Variants in RYR3 observed in about 807,000 individuals in gnomAD.
The protein encoded by RYR3 is ryanodine receptor 3, also known as brain ryanodine receptor-calcium release channel.
RYR3 carries 207 observed loss-of-function variants against 584.3 expected under a neutral mutation model. That is an observed-to-expected ratio of 0.35 (90% CI 0.32 to 0.40). RYR3 has a LOEUF of 0.40. Ranked by LOEUF, RYR3 falls within the 10% of genes least tolerant of loss-of-function variation. The pLI is 1.00. For missense variants in RYR3, 5,616 were observed against 6,089.2 expected (o/e 0.92, Z 2.59); for synonymous variants, 2,416 against 2,248.5 (o/e 1.07, Z -2.11).
At chr15:33,789,860 G>C (rs2075036494) in intron 67 of RYR3, among the ~76,000 whole-genome samples, 1 of 144,994 alleles carries the variant, frequency 6.9e-6, no homozygotes, top group Non-Finnish European at 1.5e-5. Flanking sequence ...TATTTTAGTA[G>C]AGATGGGGTT....
At chr15:33,623,214 C>T (rs891961626) in intron 19 of RYR3, among the ~76,000 whole-genome samples, 1 of 152,228 alleles carries the variant, frequency 6.6e-6, no homozygotes, top group African/African-American at 2.4e-5. Context: ...CACAGCCGCC[C>T]CCATATGGCT....
chr15:33,384,078 G>A (rs2041397249), intron 1 of RYR3, among the ~76,000 whole-genome samples: 1 of 148,598 alleles, frequency 6.7e-6, no homozygotes, highest in Middle Eastern at 3.4e-3. Context: ...CTTTTGTCCT[G>A]TGCACTCTGC....
intron 50 of RYR3, among the ~76,000 whole-genome samples, chr15:33,739,448 T>G (rs2069842540): frequency 6.6e-6 from 1 of 152,148 alleles, no homozygotes; most frequent in Non-Finnish European, 1.5e-5. Flanking sequence ...CACAGCTTAC[T>G]GTGCCCTCTC....
At chr15:33,625,536 G>A (rs1234305494) in intron 20 of RYR3, among the ~76,000 whole-genome samples, 1 of 152,108 alleles carries the variant, frequency 6.6e-6, no homozygotes, top group Non-Finnish European at 1.5e-5. Flanking sequence ...CCTAGGTTCT[G>A]TTTTTGGGGT....
Position 33,701,038 on chromosome 15 carries a change from CAAT to C in RYR3, c.6442_6444del (p.Asn2148del), listed in dbSNP as rs761911079. 6.2e-7 allele frequency: 1 copy of C among 1,613,514 alleles called. No homozygotes were observed. Among genetic ancestry groups the C allele is most frequent in the Non-Finnish European group, 8.5e-7 (1 of 1,179,732 alleles). ...TGGCAGCTTCCTCTGTGATGGACAA[CAAT>C]GAGTTAGCGCTGAGCTTAGAGGAAC... On this transcript the variant is annotated inframe_deletion, in exon 42 of 104. Transcript: ENST00000634891.
chr15:33,435,222 A>G (rs1449536558), intron 1 of RYR3, among the ~76,000 whole-genome samples: 1 of 152,160 alleles, frequency 6.6e-6, no homozygotes, highest in Non-Finnish European at 1.5e-5. Context: ...CCAGGTATTA[A>G]GCCTAGAACC....
chr15:33,351,789 C>T (rs1192566297), intron 1 of RYR3, among the ~76,000 whole-genome samples: 4 of 150,832 alleles, frequency 2.7e-5, no homozygotes. Flanking sequence ...TATGACAAAC[C>T]CACAGCCAAT....
At chr15:33,492,802 G>A (rs2051085097) in intron 2 of RYR3, among the ~76,000 whole-genome samples, 2 of 152,104 alleles carry the variant, frequency 1.3e-5, no homozygotes, top group African/African-American at 2.4e-5. Context: ...TTCAGTTCCA[G>A]TTTGGCATTT....
chr15:33,728,818 A>G (rs759946350), intron 46 of RYR3, 39 bp from the exon 47 acceptor site: 2 of 1,579,772 alleles, frequency 1.3e-6, no homozygotes, highest in Non-Finnish European at 1.7e-6. Context: ...GACTTTGGAG[A>G]CAGGAAAAGG....
At chr15:33,819,561 C>T (rs1467627971) in intron 76 of RYR3, among the ~76,000 whole-genome samples, 195 bp from the exon 77 acceptor site, 1 of 151,974 alleles carries the variant, frequency 6.6e-6, no homozygotes, top group East Asian at 1.9e-4. Context: ...GTAATCCCAG[C>T]TACTGGGGAG....
At chr15:33,835,875 C>A (rs75621695) in intron 87 of RYR3, among the ~76,000 whole-genome samples, 4,238 of 150,984 alleles carry the variant, frequency 0.028, 90 homozygotes, top group South Asian at 0.057. Flanking sequence ...AGACAAGAGC[C>A]CTGGCCCTGC....
chr15:33,452,213 G>A (rs1353849966), intron 1 of RYR3, among the ~76,000 whole-genome samples: 1 of 152,222 alleles, frequency 6.6e-6, no homozygotes, highest in Non-Finnish European at 1.5e-5. Context: ...CTCATTGTTG[G>A]TTCTGCCCTG....
At chr15:33,489,256 A>G (rs1037094806) in intron 2 of RYR3, among the ~76,000 whole-genome samples, 1 of 152,174 alleles carries the variant, frequency 6.6e-6, no homozygotes, top group South Asian at 2.1e-4. Context: ...GGTTTGTTAC[A>G]TAGGTAAACT....
chr15:33,698,056 C>G (rs1208653454), intron 40 of RYR3, 60 bp downstream of exon 40: 7 of 1,164,710 alleles, frequency 6.0e-6, no homozygotes, highest in Non-Finnish European at 9.1e-6. Context: ...CACGAGGTGA[C>G]TTGTTCAGAG....
chr15:33,797,951 G>C (rs1205103378), intron 67 of RYR3, among the ~76,000 whole-genome samples: 1 of 152,240 alleles, frequency 6.6e-6, no homozygotes, highest in African/African-American at 2.4e-5. Context: ...TTGGCTGCTA[G>C]TAGTGGAGAA....
intron 2 of RYR3, among the ~76,000 whole-genome samples, chr15:33,491,238 C>T (rs1043796225): frequency 3.3e-5 from 5 of 152,172 alleles, no homozygotes; most frequent in Non-Finnish European, 5.9e-5. Flanking sequence ...GCTATGATCT[C>T]GACTTCATTA....
At chr15:33,445,391 A>G (rs2046553544) in intron 1 of RYR3, among the ~76,000 whole-genome samples, 1 of 152,100 alleles carries the variant, frequency 6.6e-6, no homozygotes, top group African/African-American at 2.4e-5. Context: ...GATGGAGGAG[A>G]CAGGAGACAA....
intron 2 of RYR3, among the ~76,000 whole-genome samples, chr15:33,492,684 C>G (rs894955809): frequency 6.6e-6 from 1 of 152,268 alleles, no homozygotes; most frequent in Admixed American, 6.5e-5. Context: ...CAAGGCAGGA[C>G]CCAGTACGCT....
intron 18 of RYR3, among the ~76,000 whole-genome samples, chr15:33,611,142 G>A (rs952741035): frequency 6.6e-6 from 1 of 151,918 alleles, no homozygotes; most frequent in African/African-American, 2.4e-5. Flanking sequence ...CCTTTTCATA[G>A]CATATTATAC....
Sources: allele counts gnomAD v4.1 joint callset (sites outside exome capture counted in the v4.1 genomes callset), GRCh38; gene constraint gnomAD v4.1.1; transcripts MANE v1.5; gene names NCBI Gene and HGNC (gene_info 2026-07-23, HGNC 2026-07-21).